Variants in RDH13 observed in about 807,000 individuals in gnomAD.
The protein encoded by RDH13 is retinol dehydrogenase 13, also known as retinol dehydrogenase 13 (all-trans and 9-cis).
A neutral mutation model predicts 28.3 loss-of-function variants in RDH13; 35 were observed. The observed-to-expected ratio is 1.24, with a 90% confidence interval of 0.95 to 1.64. The LOEUF is 1.64. RDH13 is among the 40% of genes most tolerant of loss of function. RDH13 has a pLI of 0.00. For missense variants in RDH13, 514 were observed against 446.3 expected (o/e 1.15, Z -1.37); for synonymous variants, 229 against 198.5 (o/e 1.15, Z -1.29).
chr19:55,057,477 G>T (rs1279360839), intron 2 of RDH13, among the ~76,000 whole-genome samples: 1 of 149,028 alleles, frequency 6.7e-6, no homozygotes, highest in Non-Finnish European at 1.5e-5. Context: ...CTGTCACCCA[G>T]GCTGGAGTGC....
chr19:55,060,297 C>T (rs1322721853), intron 1 of RDH13, among the ~76,000 whole-genome samples: 1 of 152,194 alleles, frequency 6.6e-6, no homozygotes, highest in African/African-American at 2.4e-5. Context: ...GGAGGCGAGA[C>T]ATGTTTACAG....
intron 3 of RDH13, among the ~76,000 whole-genome samples, chr19:55,052,798 T>C (rs1351893724): frequency 2.0e-5 from 3 of 151,504 alleles, no homozygotes; most frequent in African/African-American, 7.3e-5. Context: ...AGTAGCTGGG[T>C]TACAGGTGCC....
chr19:55,064,869 A>C (rs111757741), upstream of RDH13, among the ~76,000 whole-genome samples: 1 of 120,218 alleles, frequency 8.3e-6, no homozygotes, highest in South Asian at 2.8e-4. Flanking sequence ...TGCCTCGGCC[A>C]CCCAAAGTGC....
chr19:55,052,864 G>A (rs549799344), intron 3 of RDH13, among the ~76,000 whole-genome samples: 69 of 151,880 alleles, frequency 4.5e-4, no homozygotes, highest in South Asian at 1.2e-3. Context: ...GGGTTTCACC[G>A]TGTTGGCCAG....
At chr19:55,068,154 T>C (rs1368317196) in intron 1 of RDH13, among the ~76,000 whole-genome samples, 2 of 133,690 alleles carry the variant, frequency 1.5e-5, no homozygotes, top group East Asian at 4.0e-4. Context: ...CCTGTCTCTC[T>C]CTTCCTCTTT....
upstream of RDH13, among the ~76,000 whole-genome samples, chr19:55,066,437 TTCTCTCCCTC>T (rs71927187): frequency 0.62 from 89,981 of 145,204 alleles, 28,135 homozygotes; most frequent in African/African-American, 0.72. Flanking sequence ...CCTCTCTGTC[TTCTCTCCCTC>T]TCTCTCCCTC....
At chr19:55,045,386 G>GC (rs1484649771) in intron 6 of RDH13, 77 bp from the exon 7 acceptor site, 1 of 1,185,480 alleles carries the variant, frequency 8.4e-7, no homozygotes, top group East Asian at 2.4e-5. Flanking sequence ...CGGTCAGGGA[G>GC]CTCCGGGTCC....
intron 3 of RDH13, among the ~76,000 whole-genome samples, chr19:55,055,493 C>G (rs944876497): frequency 6.6e-6 from 1 of 151,896 alleles, no homozygotes; most frequent in African/African-American, 2.4e-5. Context: ...TATAAATGTC[C>G]CATAACAAAC....
intron 3 of RDH13, 122 bp downstream of exon 3, chr19:55,056,531 C>T (rs1255855109): frequency 1.6e-6 from 2 of 1,263,998 alleles, no homozygotes; most frequent in Non-Finnish European, 2.1e-6. Context: ...CTGGACTTGG[C>T]CCCTAACTCA....
chr19:55,039,921 A>G (rs2074977626), downstream of RDH13, among the ~76,000 whole-genome samples: 1 of 152,234 alleles, frequency 6.6e-6, no homozygotes, highest in Admixed American at 6.6e-5. Context: ...TGCTAAAGGA[A>G]ATATTCCGGA....
intron 3 of RDH13, among the ~76,000 whole-genome samples, chr19:55,051,291 C>A (rs1160732722): frequency 6.6e-6 from 1 of 152,160 alleles, no homozygotes; most frequent in Non-Finnish European, 1.5e-5. Flanking sequence ...GCAGGGCCCA[C>A]GTGCGGAGAC....
Position 55,063,000 on chromosome 19 carries a change from C to A in RDH13, c.33G>T (p.Leu11=), listed in dbSNP as rs920139933. The A allele has an allele frequency of 4.1e-6, 6 of 1,468,980 alleles. No homozygotes were observed. The African/African-American group carries it at 5.8e-5, about 14-fold the overall frequency. 91.0% of individuals were successfully genotyped at this position (1,468,980 alleles called of 1,614,324 possible). A position where few individuals can be genotyped will look rare whatever the true frequency, so the allele number is the denominator to read the frequency against. ...GCACGGCGGCGCCTGCTACCGTGCC[C>A]AGCGCCGACAGCGGCAGCAGGTAGC... MSRYLLPLSA[L]GTVAGAAVLL... is the part of the protein sequence containing the mutation. Residue 11 remains leucine, a synonymous_variant, in exon 1 of 7, where the codon CTG becomes CTT. Coordinates refer to ENST00000415061, the MANE Select transcript of RDH13 (RefSeq NM_001145971.2).
At position 55,068,806 on chromosome 19, in the gene RDH13, A is replaced by G. The variant is rs555325457; in HGVS notation, c.-266+516T>C. On this transcript the variant is annotated intron_variant, in intron 1 of 7. Transcript: ENST00000396247. ...AGCCGAGATCGCGCCACTGCACTCC[A>G]GCCTGGGCGACAGAGCAAGACTCTG... is the stretch of plus-strand genomic sequence containing the variant. 2.1e-5 allele frequency: 3 copies of G among 143,348 alleles called. No homozygotes were observed. The South Asian group carries it at 7.4e-4, about 35-fold the overall frequency. The allele number at this position is 143,348 out of a possible 1,614,324, so 8.9% of individuals were successfully genotyped here.
Position 55,044,377 on chromosome 19 carries a change from A to T in RDH13, c.*697T>A, listed in dbSNP as rs1209326730. The T allele has an allele frequency of 6.6e-6, 1 of 151,960 alleles. No homozygotes were observed. Among genetic ancestry groups the T allele is most frequent in the African/African-American group, 2.4e-5 (1 of 41,344 alleles). The allele number at this position is 151,960 out of a possible 1,614,324, so 9.4% of individuals were successfully genotyped here. A position where few individuals can be genotyped will look rare whatever the true frequency, so the allele number is the denominator to read the frequency against. ...AGTTTGAGAGTCTGCAGTTTGGACT[A>T]CCATGAGAATTGATAGGAAGGTGGG... On this transcript the variant is annotated 3_prime_UTR_variant, in exon 7 of 7. Transcript: ENST00000415061.
intron 1 of RDH13, 57 bp from the exon 2 acceptor site, chr19:55,059,332 CCT>C (rs1372881348): frequency 1.1e-5 from 13 of 1,182,506 alleles, no homozygotes; most frequent in South Asian, 6.6e-5. Flanking sequence ...CCCACGTGCC[CCT>C]GACTGAATGA....
chr19:55,051,281 G>A (rs924200963), intron 3 of RDH13, among the ~76,000 whole-genome samples: 2 of 152,216 alleles, frequency 1.3e-5, no homozygotes, highest in African/African-American at 4.8e-5. Flanking sequence ...GGAAAATGAG[G>A]CAGGGCCCAC....
At chr19:55,055,275 C>T (rs1203970219) in intron 3 of RDH13, among the ~76,000 whole-genome samples, 1 of 151,988 alleles carries the variant, frequency 6.6e-6, no homozygotes, top group East Asian at 2.0e-4. Flanking sequence ...GCCTCAGCAC[C>T]CTGAGTAGCT....
In RDH13 at chr19:55,044,445, T is replaced by A. The variant is rs527276097; in HGVS notation, c.*629A>T. 1 of 152,056 alleles carries A rather than the reference T, an allele frequency of 6.6e-6. No homozygotes were observed. The highest frequency in any genetic ancestry group is 6.6e-5 in the Admixed American group (1 of 15,260). 9.4% of individuals were successfully genotyped at this position (152,056 alleles called of 1,614,324 possible). On this transcript the variant is annotated 3_prime_UTR_variant, in exon 7 of 7. Transcript: ENST00000415061. ...GGTCCTGTAGCAGCAGCTGGTGGGG[T>A]TCCCACTCCATGCCGTGCAGAGCCT...
downstream of RDH13, chr19:55,043,986 G>T (rs934626611): frequency 6.6e-6 from 1 of 150,562 alleles, no homozygotes; most frequent in Non-Finnish European, 1.5e-5. Flanking sequence ...GCATGATCTC[G>T]GCTCACTGCA....
Sources: allele counts gnomAD v4.1 joint callset (sites outside exome capture counted in the v4.1 genomes callset), GRCh38; gene constraint gnomAD v4.1.1; transcripts MANE v1.5; gene names NCBI Gene and HGNC (gene_info 2026-07-23, HGNC 2026-07-21).